Variants in CDH13 observed in about 807,000 individuals in gnomAD.
The protein encoded by CDH13 is cadherin-13.
In CDH13, 24 loss-of-function variants were observed where a neutral mutation model predicts 63.8. The observed-to-expected ratio is 0.38, with a 90% CI of 0.27 to 0.53. CDH13 has a LOEUF of 0.53. CDH13 is among the 20% of genes least tolerant of loss of function. The pLI is 0.85. For missense variants in CDH13, 1,049 were observed against 903.1 expected (o/e 1.16, Z -2.07); for synonymous variants, 503 against 355.3 (o/e 1.42, Z -4.67).
At chr16:83,182,000 G>A (rs759943707) in intron 4 of CDH13, among the ~76,000 whole-genome samples, 8 of 152,108 alleles carry the variant, frequency 5.3e-5, no homozygotes, top group African/African-American at 1.7e-4. Context: ...CCCTCCAAGC[G>A]TGCTCTACCT....
chr16:83,052,982 G>A (rs1025671528), intron 3 of CDH13, among the ~76,000 whole-genome samples: 2 of 152,196 alleles, frequency 1.3e-5, no homozygotes, highest in South Asian at 4.2e-4. Flanking sequence ...AAGAGGCAAT[G>A]CAGTGAGACC....
At chr16:83,368,888 A>T (rs957970710) in intron 6 of CDH13, among the ~76,000 whole-genome samples, 57 of 9,084 alleles carry the variant, frequency 6.3e-3, no homozygotes, top group East Asian at 0.014. Flanking sequence ...TCCATGTTAT[A>T]TATATATATA....
chr16:83,738,252 C>T (rs185518084), intron 10 of CDH13, among the ~76,000 whole-genome samples: 1 of 152,182 alleles, frequency 6.6e-6, no homozygotes, highest in Non-Finnish European at 1.5e-5. Flanking sequence ...TTCCCAACAC[C>T]AAGCGCGGTG....
intron 1 of CDH13, among the ~76,000 whole-genome samples, chr16:82,822,375 GA>G (rs1269079718): frequency 6.6e-6 from 1 of 152,154 alleles, no homozygotes; most frequent in Non-Finnish European, 1.5e-5. Flanking sequence ...GTAAGATGGA[GA>G]AAATTGTGTG....
intron 2 of CDH13, among the ~76,000 whole-genome samples, chr16:83,017,997 G>GA (rs1461766184): frequency 6.6e-6 from 1 of 152,234 alleles, no homozygotes; most frequent in Non-Finnish European, 1.5e-5. Context: ...AATTTTATGT[G>GA]AAAAAACTCT....
chr16:83,782,945 G>C (rs1159131962), intron 12 of CDH13, among the ~76,000 whole-genome samples: 1 of 151,968 alleles, frequency 6.6e-6, no homozygotes, highest in African/African-American at 2.4e-5. Context: ...CATGAAAGGA[G>C]CTCTCCTTGA....
At chr16:82,948,278 C>T (rs1473848348) in intron 2 of CDH13, among the ~76,000 whole-genome samples, 2 of 152,082 alleles carry the variant, frequency 1.3e-5, no homozygotes, top group Non-Finnish European at 2.9e-5. Flanking sequence ...GACAATAAAG[C>T]AGAAGTTCAG....
At chr16:83,279,217 A>G (rs1417173699) in intron 5 of CDH13, among the ~76,000 whole-genome samples, 5 of 152,146 alleles carry the variant, frequency 3.3e-5, no homozygotes, top group Admixed American at 2.0e-4. Flanking sequence ...TATCAGGGCT[A>G]GATTTATTCT....
At chr16:83,462,044 G>C (rs1002168141) in intron 6 of CDH13, among the ~76,000 whole-genome samples, 15 of 152,204 alleles carry the variant, frequency 9.9e-5, no homozygotes, top group Admixed American at 9.2e-4. Flanking sequence ...GAGTCTATAA[G>C]AGTAACCCAA....
chr16:83,266,073 A>ATTACAGGC (rs1907583199), intron 5 of CDH13, among the ~76,000 whole-genome samples: 1 of 151,992 alleles, frequency 6.6e-6, no homozygotes, highest in African/African-American at 2.4e-5. Context: ...AGTACCTGAG[A>ATTACAGGC]TTACAGGCGC....
chr16:82,646,577 C>T (rs1324269219), intron 1 of CDH13, among the ~76,000 whole-genome samples: 1 of 152,146 alleles, frequency 6.6e-6, no homozygotes, highest in African/African-American at 2.4e-5. Context: ...GAGGAGAGGT[C>T]ACAGGAGGCC....
chr16:82,759,637 A>T (rs1332554651), intron 1 of CDH13, among the ~76,000 whole-genome samples: 1 of 151,764 alleles, frequency 6.6e-6, no homozygotes, highest in African/African-American at 2.4e-5. Flanking sequence ...GTCCATATGC[A>T]GTATTCCATA....
chr16:83,668,750 C>G (rs1914233311), intron 8 of CDH13, among the ~76,000 whole-genome samples: 1 of 152,198 alleles, frequency 6.6e-6, no homozygotes, highest in Non-Finnish European at 1.5e-5. Context: ...TTGGGCAGCA[C>G]TCTTCCTTCT....
intron 2 of CDH13, among the ~76,000 whole-genome samples, chr16:82,957,660 G>T (rs1906325577): frequency 6.6e-6 from 1 of 152,178 alleles, no homozygotes; most frequent in South Asian, 2.1e-4. Flanking sequence ...GAAAGGTCTG[G>T]ATGCATAATC....
chr16:82,841,819 A>G (rs1278564976), intron 1 of CDH13, among the ~76,000 whole-genome samples: 1 of 152,084 alleles, frequency 6.6e-6, no homozygotes, highest in African/African-American at 2.4e-5. Context: ...TGGAATACCT[A>G]CTGTGCTGGA....
intron 1 of CDH13, among the ~76,000 whole-genome samples, chr16:82,729,835 C>T (rs774935240): frequency 2.0e-5 from 3 of 152,164 alleles, no homozygotes; most frequent in Non-Finnish European, 4.4e-5. Context: ...CCACCTTTGT[C>T]GATGATCTTA....
intron 5 of CDH13, among the ~76,000 whole-genome samples, chr16:83,245,883 C>T (rs568892448): frequency 2.0e-5 from 3 of 152,140 alleles, no homozygotes; most frequent in Non-Finnish European, 4.4e-5. Flanking sequence ...GCCCGGACTA[C>T]AGGCACGCAC....
intron 5 of CDH13, among the ~76,000 whole-genome samples, chr16:83,283,438 A>G (rs1232858400): frequency 6.6e-6 from 1 of 152,138 alleles, no homozygotes; most frequent in African/African-American, 2.4e-5. Flanking sequence ...TAAAATTACA[A>G]AAATTAGCTG....
At chr16:83,042,430 T>C (rs1567774163) in intron 3 of CDH13, among the ~76,000 whole-genome samples, 1 of 152,224 alleles carries the variant, frequency 6.6e-6, no homozygotes, top group Non-Finnish European at 1.5e-5. Context: ...GATCTGTCAC[T>C]GTCTCCCATC....
Sources: gnomAD v4.1 joint callset for allele counts (sites outside exome capture counted in the v4.1 genomes callset) on GRCh38, gnomAD v4.1.1 for gene constraint, MANE v1.5 for transcripts, NCBI Gene and HGNC (gene_info 2026-07-23, HGNC 2026-07-21) for gene names.